ARHGAP25: variants seen among roughly 807,000 people sequenced by gnomAD.
The protein encoded by ARHGAP25 is Rho GTPase activating protein 25, also known as rho GTPase-activating protein 25.
ARHGAP25 carries 34 observed loss-of-function variants against 71.0 expected under a neutral mutation model. That is an observed-to-expected ratio of 0.48 (90% CI 0.36 to 0.64). The LOEUF is 0.64. Ranked by LOEUF, ARHGAP25 falls within the 30% of genes least tolerant of loss-of-function variation. The pLI is 0.00. For missense variants in ARHGAP25, 706 were observed against 805.1 expected (o/e 0.88, Z 1.49); for synonymous variants, 282 against 296.5 (o/e 0.95, Z 0.50).
At chr2:68,743,535 G>A (rs1675639673) in intron 1 of ARHGAP25, among the ~76,000 whole-genome samples, 2 of 152,270 alleles carry the variant, frequency 1.3e-5, no homozygotes, top group Non-Finnish European at 2.9e-5. Flanking sequence ...CTCTTTGACT[G>A]TCATTCTGCA....
chr2:68,747,657 C>G (rs543109495), intron 1 of ARHGAP25, among the ~76,000 whole-genome samples: 11 of 152,198 alleles, frequency 7.2e-5, no homozygotes, highest in African/African-American at 2.7e-4. Context: ...CTTCCCTCCC[C>G]CAGTGTGTCC....
At chr2:68,782,152 T>C in intron 2 of ARHGAP25, 81 bp from the exon 3 acceptor site, 2 of 1,255,124 alleles carry the variant, frequency 1.6e-6, no homozygotes, top group Admixed American at 1.7e-5. Context: ...CATCCCATCA[T>C]TATCCTATCT....
intron 1 of ARHGAP25, chr2:68,774,860 G>T: frequency 8.1e-7 from 1 of 1,235,756 alleles, no homozygotes; most frequent in South Asian, 1.8e-5. Context: ...TGACTCCCAC[G>T]CAGGAAAAAG....
At chr2:68,821,906 GTTT>G (rs59964574) in intron 9 of ARHGAP25, among the ~76,000 whole-genome samples, 26,618 of 81,462 alleles carry the variant, frequency 0.33, 2,366 homozygotes, top group East Asian at 0.42. Context: ...CTTTTTGCTA[GTTT>G]TTTTTTTTTT....
chr2:68,778,344 A>G (rs1678069059), intron 2 of ARHGAP25, among the ~76,000 whole-genome samples: 1 of 152,152 alleles, frequency 6.6e-6, no homozygotes, highest in South Asian at 2.1e-4. Context: ...TGATGTATAT[A>G]CTAATCCCAT....
chr2:68,811,082 C>T (rs988841058), intron 5 of ARHGAP25, among the ~76,000 whole-genome samples: 3 of 152,168 alleles, frequency 2.0e-5, no homozygotes, highest in Non-Finnish European at 4.4e-5. Flanking sequence ...CTGTTTCTTC[C>T]CTTTCAAACT....
At chr2:68,820,634 A>G (rs568400548) in intron 9 of ARHGAP25, among the ~76,000 whole-genome samples, 2 of 152,254 alleles carry the variant, frequency 1.3e-5, no homozygotes, top group East Asian at 3.9e-4. Flanking sequence ...CTTTTTCTTT[A>G]TAATTTCATT....
intron 2 of ARHGAP25, among the ~76,000 whole-genome samples, chr2:68,779,608 G>T (rs1398696049): frequency 6.6e-6 from 1 of 152,194 alleles, no homozygotes; most frequent in Non-Finnish European, 1.5e-5. Context: ...AAAAGTTATA[G>T]CTAGAGAATT....
chr2:68,797,817 C>G (rs1438234774), intron 4 of ARHGAP25, among the ~76,000 whole-genome samples: 2 of 152,218 alleles, frequency 1.3e-5, no homozygotes, highest in African/African-American at 2.4e-5. Flanking sequence ...TCAAGGTGCT[C>G]TCCTACGGCC....
rs184647680 is a variant in ARHGAP25 at position 68,762,788 on chromosome 2, G to A, written c.62-12433G>A. ...AGCCAAAAAGAAATGTCAAGCAGAGGCTAGTGTGTGGGCCAAGAAAGTCCA... is the reference window on the plus strand; with the variant it reads ...AGCCAAAAAGAAATGTCAAGCAGAGACTAGTGTGTGGGCCAAGAAAGTCCA... On this transcript the variant is annotated intron_variant, in intron 1 of 10. Coordinates refer to ENST00000409202, the MANE Select transcript of ARHGAP25 (RefSeq NM_001007231.3). 2.9e-3 allele frequency among the ~76,000 whole-genome samples: 444 copies of A among 152,262 alleles called. 3 individuals are homozygous for A. Among genetic ancestry groups the A allele is most frequent in the Middle Eastern group, 0.014 (4 of 294 alleles).
chr2:68,804,704 A>G (rs770576600), intron 4 of ARHGAP25, among the ~76,000 whole-genome samples: 11 of 152,236 alleles, frequency 7.2e-5, no homozygotes, highest in East Asian at 1.9e-4. Context: ...AGGGCACTCA[A>G]TGCATGCTAG....
chr2:68,806,061 G>A (rs1250862397), intron 4 of ARHGAP25, among the ~76,000 whole-genome samples: 2 of 152,214 alleles, frequency 1.3e-5, no homozygotes, highest in East Asian at 3.8e-4. Context: ...CTGGGGTGGA[G>A]CTGGCCCACA....
Position 68,817,899 on chromosome 2 carries a change from G to A in ARHGAP25, c.908G>A (p.Cys303Tyr), listed in dbSNP as rs1177824064. The change falls in exon 8 of 11, where the codon TGT (cysteine) becomes TAT (tyrosine). Residue 303 changes from cysteine to tyrosine, a missense_variant. Physicochemically the swap from Cys to Tyr is radical, Grantham distance 194. Transcript: ENST00000409202. ...CRFLHEIQLN[C>Y]AVNKMSVDNL... is the part of the protein sequence containing the mutation. ...TTCCTACATGAAATACAGCTGAACT[G>A]TGCTGTTAACAAGATGAGTGTGGAC... 5 of 1,614,020 alleles carry A rather than the reference G, an allele frequency of 3.1e-6. No homozygotes were observed. The highest frequency in any genetic ancestry group is 1.3e-5 in the African/African-American group (1 of 75,016).
At chr2:68,745,515 T>A (rs970855708) in intron 1 of ARHGAP25, among the ~76,000 whole-genome samples, 17 of 152,312 alleles carry the variant, frequency 1.1e-4, no homozygotes, top group Admixed American at 1.0e-3. Context: ...TCTGGCCATT[T>A]TTCCTCATCA....
At chr2:68,718,545 G>A (rs1674674543) in intron 2 of ARHGAP25, among the ~76,000 whole-genome samples, 1 of 152,076 alleles carries the variant, frequency 6.6e-6, no homozygotes, top group African/African-American at 2.4e-5. Context: ...GTGTGTGTGT[G>A]TGTGTATGTA....
intron 1 of ARHGAP25, among the ~76,000 whole-genome samples, chr2:68,745,545 A>C (rs1303676532): frequency 6.6e-6 from 1 of 152,152 alleles, no homozygotes; most frequent in Non-Finnish European, 1.5e-5. Context: ...ACCCTATTTA[A>C]ACCTAATAAT....
intron 1 of ARHGAP25, among the ~76,000 whole-genome samples, chr2:68,761,692 C>T (rs1420194137): frequency 6.6e-6 from 1 of 152,102 alleles, no homozygotes; most frequent in African/African-American, 2.4e-5. Flanking sequence ...GATAGCAACT[C>T]ACACCCATTA....
At chr2:68,774,765 G>A in intron 1 of ARHGAP25, 1 of 1,022,684 alleles carries the variant, frequency 9.8e-7, no homozygotes, top group Non-Finnish European at 1.2e-6. Context: ...TGCCCAGGCA[G>A]CTTCCGGCGG....
intron 3 of ARHGAP25, among the ~76,000 whole-genome samples, chr2:68,784,110 C>T (rs1271354723): frequency 1.3e-5 from 2 of 152,124 alleles, no homozygotes; most frequent in African/African-American, 4.8e-5. Context: ...CAGCAGTCTC[C>T]TGGCCTGCTA....
Sources: gnomAD v4.1 joint callset for allele counts (sites outside exome capture counted in the v4.1 genomes callset) on GRCh38, gnomAD v4.1.1 for gene constraint, MANE v1.5 for transcripts, NCBI Gene and HGNC (gene_info 2026-07-23, HGNC 2026-07-21) for gene names.